NDUFS4: variants seen among roughly 807,000 people sequenced by gnomAD.
The protein encoded by NDUFS4 is NADH dehydrogenase [ubiquinone] iron-sulfur protein 4, mitochondrial.
NDUFS4 carries 28 observed loss-of-function variants against 24.3 expected under a neutral mutation model. The observed-to-expected ratio is 1.15, with a 90% CI of 0.85 to 1.58. NDUFS4 has a LOEUF of 1.58. Among genes scored for constraint, NDUFS4 ranks in the 40% most tolerant of loss-of-function variants. The probability of loss-of-function intolerance (pLI) is 0.00; values close to 1 mark genes in which losing one functional copy is unlikely to be tolerated. For missense variants in NDUFS4, 223 were observed against 207.9 expected, an observed-to-expected ratio of 1.07 and a Z score of -0.45; for synonymous variants, 93 against 69.7, an observed-to-expected ratio of 1.34 and a Z score of -1.67.
In NDUFS4 at chr5:53,677,611, CTTAAAATTATATG is replaced by C. The variant is rs1413118906; in HGVS notation, c.425-5503_425-5491del. Among the ~76,000 whole-genome samples, 4 of 152,068 alleles carry C rather than the reference CTTAAAATTATATG, an allele frequency of 2.6e-5. No homozygotes were observed. In the East Asian group the frequency reaches 7.7e-4, roughly 29 times the overall value. The stretch of plus-strand genomic sequence containing the variant: ...AAAAAGCTATTTTTCTTTTCTCCTT[CTTAAAATTATATG>C]TTAGGGTTATGCTCCGCTTTCAGCC... On this transcript the variant is annotated intron_variant, in intron 4 of 4. Transcript: ENST00000296684.
chr5:53,616,082 C>T (rs1750829028), intron 2 of NDUFS4, among the ~76,000 whole-genome samples: 1 of 151,946 alleles, frequency 6.6e-6, no homozygotes, highest in Non-Finnish European at 1.5e-5. Flanking sequence ...CTAGGTTGCT[C>T]TGAGATTAGA....
intron 2 of NDUFS4, among the ~76,000 whole-genome samples, chr5:53,630,676 A>G (rs1316378323): frequency 6.6e-6 from 1 of 151,958 alleles, no homozygotes; most frequent in Non-Finnish European, 1.5e-5. Context: ...CGATTCGGCT[A>G]TTGAAGCTTG....
At chr5:53,665,133 C>A (rs1020023303) in intron 4 of NDUFS4, among the ~76,000 whole-genome samples, 2 of 152,180 alleles carry the variant, frequency 1.3e-5, no homozygotes, top group African/African-American at 2.4e-5. Context: ...GCGGAGGCTG[C>A]AGAACCGCGG....
At chr5:53,626,154 G>C (rs1751216947) in intron 2 of NDUFS4, among the ~76,000 whole-genome samples, 1 of 152,092 alleles carries the variant, frequency 6.6e-6, no homozygotes, top group African/African-American at 2.4e-5. Context: ...TTCTCTTCTT[G>C]TGTTACTTTG....
chr5:53,619,038 C>T (rs1195742865), intron 2 of NDUFS4, among the ~76,000 whole-genome samples: 28 of 151,774 alleles, frequency 1.8e-4, no homozygotes, highest in Admixed American at 1.7e-3. Context: ...TGCTTGAACC[C>T]GGGAGGCGGA....
chr5:53,664,744 C>T (rs1044111011), intron 4 of NDUFS4, among the ~76,000 whole-genome samples: 2 of 151,888 alleles, frequency 1.3e-5, no homozygotes, highest in Non-Finnish European at 2.9e-5. Flanking sequence ...AATTTTTTTT[C>T]AAGGTTTTTA....
chr5:53,584,536 C>T (rs1362354836), intron 1 of NDUFS4, among the ~76,000 whole-genome samples: 2 of 151,858 alleles, frequency 1.3e-5, no homozygotes, highest in Non-Finnish European at 2.9e-5. Context: ...GACGGGGTTA[C>T]ACCTTGTTGG....
intron 1 of NDUFS4, among the ~76,000 whole-genome samples, chr5:53,598,480 A>G (rs1224780941): frequency 6.6e-6 from 1 of 152,194 alleles, no homozygotes; most frequent in African/African-American, 2.4e-5. Context: ...CGTCAGTTCC[A>G]CTTACTAGAA....
intron 1 of NDUFS4, among the ~76,000 whole-genome samples, chr5:53,599,896 T>G (rs923244144): frequency 2.0e-5 from 3 of 152,142 alleles, no homozygotes; most frequent in African/African-American, 7.2e-5. Context: ...GTGACATTCC[T>G]TACAGGCTAA....
intron 2 of NDUFS4, among the ~76,000 whole-genome samples, chr5:53,625,493 G>T (rs1442418085): frequency 6.6e-6 from 1 of 151,966 alleles, no homozygotes; most frequent in African/African-American, 2.4e-5. Context: ...CACTTATATT[G>T]TACTGCTTAA....
At position 53,658,655 on chromosome 5, in the gene NDUFS4, G is replaced by C. The variant is rs778160534; in HGVS notation, c.424+31G>C. ...TTTGGTCTGTTTTTGACAAAGTCAA[G>C]ATAATGATTTTATGTTCTTAACCTT... On this transcript the variant is annotated intron_variant, in intron 4 of 4. Transcript: ENST00000296684. 4 of 1,562,222 alleles carry C rather than the reference G, an allele frequency of 2.6e-6. No homozygotes were observed. In the South Asian group the frequency reaches 4.4e-5, roughly 17 times the overall value.
chr5:53,590,884 C>CT (rs1368704897), intron 1 of NDUFS4, among the ~76,000 whole-genome samples: 2 of 152,136 alleles, frequency 1.3e-5, no homozygotes, highest in Admixed American at 1.3e-4. Flanking sequence ...ATCTCCAGAA[C>CT]TTTTTCATCT....
At chr5:53,596,276 A>G (rs538100722) in intron 1 of NDUFS4, among the ~76,000 whole-genome samples, 120 of 151,872 alleles carry the variant, frequency 7.9e-4, no homozygotes, top group Non-Finnish European at 7.1e-4. Context: ...ATAAAAAAAA[A>G]CAAAAAATTA....
chr5:53,566,000 C>T (rs1173827651), intron 1 of NDUFS4, among the ~76,000 whole-genome samples: 4 of 151,648 alleles, frequency 2.6e-5, no homozygotes, highest in Non-Finnish European at 5.9e-5. Flanking sequence ...GGTGAAACCC[C>T]GTCTCCACTA....
chr5:53,607,360 A>G (rs1419694069), intron 2 of NDUFS4, among the ~76,000 whole-genome samples: 1 of 152,204 alleles, frequency 6.6e-6, no homozygotes, highest in African/African-American at 2.4e-5. Context: ...ATTGTGTACT[A>G]TGCTCAATAC....
At chr5:53,631,578 C>T (rs1426112638) in intron 2 of NDUFS4, among the ~76,000 whole-genome samples, 5 of 152,116 alleles carry the variant, frequency 3.3e-5, no homozygotes, top group Non-Finnish European at 7.4e-5. Context: ...TCGGTGATGC[C>T]CTGCCCATAG....
chr5:53,560,685 T>C lies in NDUFS4; in HGVS notation c.23T>C (p.Val8Ala). The C allele has an allele frequency of 6.2e-7, 1 of 1,614,248 alleles. No homozygotes were observed. The highest frequency in any genetic ancestry group is 8.5e-7 in the Non-Finnish European group (1 of 1,180,038). The part of the protein sequence containing the change: MAAVSMS[V>A]VLRQTLWRRR... ...AAGATGGCGGCGGTGTCAATGTCAGTGGTACTGAGGCAGACGTTGTGGCGG... is the reference window on the plus strand; with the variant it reads ...AAGATGGCGGCGGTGTCAATGTCAGCGGTACTGAGGCAGACGTTGTGGCGG... The change falls in exon 1 of 5, where the codon GTG becomes GCG. Residue 8 changes from valine (V) to alanine (A), a missense_variant. By Grantham distance (64) the Val-to-Ala change is moderately conservative. Coordinates refer to ENST00000296684, the MANE Select transcript of NDUFS4 (RefSeq NM_002495.4).
rs879231951 is a variant in NDUFS4 at position 53,655,636 on chromosome 5, TAAC to T, written c.351-2912_351-2910del. Among the ~76,000 whole-genome samples, 5 of 152,282 alleles carry T rather than the reference TAAC, an allele frequency of 3.3e-5. No homozygotes were observed. The East Asian group carries it at 5.8e-4, about 18-fold the overall frequency. ...AATATTCAAACAATTAATATAGAGATAACAATAATCTATTAATTATCTGATCCC... is the reference window on the plus strand; with the variant it reads ...AATATTCAAACAATTAATATAGAGATAATAATCTATTAATTATCTGATCCC... On this transcript the variant is annotated intron_variant, in intron 3 of 4. Transcript: ENST00000296684.
intron 4 of NDUFS4, among the ~76,000 whole-genome samples, chr5:53,665,272 G>T (rs1028444361): frequency 6.6e-6 from 1 of 152,204 alleles, no homozygotes; most frequent in Non-Finnish European, 1.5e-5. Context: ...CTACTCAGGG[G>T]TCAGGGACCC....
Sources: allele counts gnomAD v4.1 joint callset (sites outside exome capture counted in the v4.1 genomes callset), GRCh38; gene constraint gnomAD v4.1.1; transcripts MANE v1.5; gene names NCBI Gene and HGNC (gene_info 2026-07-23, HGNC 2026-07-21).